The following XPO4 variants were observed in gnomAD, a reference collection of about 807,000 sequenced individuals.
The protein encoded by XPO4 is exportin-4.
XPO4 carries 39 observed loss-of-function variants against 143.0 expected under a neutral mutation model. That is an observed-to-expected ratio of 0.27 (90% CI 0.21 to 0.36). XPO4 has a LOEUF of 0.36. XPO4 is among the 10% of genes least tolerant of loss of function. The pLI, the probability that XPO4 is intolerant of heterozygous loss-of-function variation, is 1.00. For missense variants in XPO4, 907 were observed against 1,348.0 expected, an observed-to-expected ratio of 0.67 and a Z score of 5.12; for synonymous variants, 439 against 474.0, an observed-to-expected ratio of 0.93 and a Z score of 0.96.
At chr13:20,795,007 TAA>T (rs5802088) in intron 18 of XPO4, among the ~76,000 whole-genome samples, 9 of 134,486 alleles carry the variant, frequency 6.7e-5, no homozygotes, top group African/African-American at 8.3e-5. Context: ...CCCAAGAATT[TAA>T]AAAAAAAAAA....
chr13:20,851,832 C>T (rs2060093073), intron 4 of XPO4: 2 of 985,124 alleles, frequency 2.0e-6, no homozygotes, highest in Admixed American at 6.2e-5. Context: ...AGTGTACACA[C>T]TATGAAGAGA....
At chr13:20,863,061 C>T (rs1415047661) in intron 2 of XPO4, 6 of 1,264,806 alleles carry the variant, frequency 4.7e-6, no homozygotes, top group Non-Finnish European at 5.0e-6. Context: ...AGCTAATCAC[C>T]GATCACAATT....
chr13:20,789,781 C>T lies in XPO4; in HGVS notation c.2916+681G>A, dbSNP rs114783597. Among the ~76,000 whole-genome samples the T allele has an allele frequency of 3.3e-3, 504 of 152,158 alleles. 4 individuals carry two copies. The highest frequency in any genetic ancestry group is 0.012 in the African/African-American group (485 of 41,530). Reference sequence around the variant, plus strand: ...GTGTGTGCACACGCATGCATGCATGCACATGTGCACATACACACACAAACT... The same window carrying T: ...GTGTGTGCACACGCATGCATGCATGTACATGTGCACATACACACACAAACT... On this transcript the variant is annotated intron_variant, in intron 19 of 22. Coordinates refer to ENST00000255305, the MANE Select transcript of XPO4 (RefSeq NM_022459.5).
intron 1 of XPO4, among the ~76,000 whole-genome samples, chr13:20,893,630 C>A (rs1195935741): frequency 6.6e-6 from 1 of 151,974 alleles, no homozygotes; most frequent in Non-Finnish European, 1.5e-5. Context: ...GTGGCACGTG[C>A]CTGTAATCCC....
intron 1 of XPO4, among the ~76,000 whole-genome samples, chr13:20,892,525 C>T (rs2060527997): frequency 1.3e-5 from 2 of 152,186 alleles, no homozygotes; most frequent in Admixed American, 1.3e-4. Context: ...ACAAATATTA[C>T]TGAGCAACAA....
chr13:20,859,685 G>A (rs2060178546), intron 3 of XPO4: 3 of 182,392 alleles, frequency 1.6e-5, no homozygotes, highest in South Asian at 1.9e-4. Flanking sequence ...GCTGGGGCAG[G>A]AGAATCGCAT....
chr13:20,849,029 A>G, intron 4 of XPO4: 1 of 985,458 alleles, frequency 1.0e-6, no homozygotes, highest in Non-Finnish European at 1.2e-6. Context: ...AGCTAGTGAA[A>G]AAATGCCCTT....
chr13:20,831,615 T>C (rs551507476), intron 6 of XPO4, among the ~76,000 whole-genome samples: 1 of 152,282 alleles, frequency 6.6e-6, no homozygotes, highest in African/African-American at 2.4e-5. Flanking sequence ...GCAATTTATA[T>C]TTTTATCAGA....
intron 2 of XPO4, among the ~76,000 whole-genome samples, chr13:20,867,361 T>C (rs1276199922): frequency 6.6e-6 from 1 of 152,234 alleles, no homozygotes; most frequent in Non-Finnish European, 1.5e-5. Context: ...TAAAGCCGAT[T>C]ACATTTTTTA....
Position 20,848,160 on chromosome 13 carries a change from C to T in XPO4, c.457-4274G>A, listed in dbSNP as rs956351262. 1.5e-5 allele frequency: 13 copies of T among 857,524 alleles called. No individual in the cohort carries two copies. In the African/African-American group the frequency reaches 2.2e-4, roughly 14 times the overall value. 53.1% of individuals were successfully genotyped at this position (857,524 alleles called of 1,614,324 possible). ...CTGCTGGCAATTTGACTGCCACTAACAGGTAGTTCTAAATGGATCATTTTC... is the reference window on the plus strand; with the variant it reads ...CTGCTGGCAATTTGACTGCCACTAATAGGTAGTTCTAAATGGATCATTTTC... On this transcript the variant is annotated intron_variant, in intron 4 of 22. Transcript: ENST00000255305.
intron 4 of XPO4, among the ~76,000 whole-genome samples, chr13:20,853,804 C>A (rs1044625240): frequency 2.6e-5 from 4 of 152,148 alleles, no homozygotes; most frequent in African/African-American, 9.7e-5. Context: ...TCTTCAGTCA[C>A]CCTAGCCACA....
intron 4 of XPO4, chr13:20,849,363 G>A (rs1182979729): frequency 3.0e-6 from 3 of 985,252 alleles, no homozygotes; most frequent in Non-Finnish European, 3.6e-6. Context: ...GAGGAAGAAA[G>A]GAGACTTAAA....
At chr13:20,869,698 A>C (rs1199411165) in intron 1 of XPO4, 1 of 581,682 alleles carries the variant, frequency 1.7e-6, no homozygotes, top group Non-Finnish European at 2.2e-6. Context: ...AACTACTGTG[A>C]ATCTCTGGCT....
chr13:20,830,413 C>T (rs984190538), intron 6 of XPO4, among the ~76,000 whole-genome samples: 6 of 152,154 alleles, frequency 3.9e-5, no homozygotes, highest in African/African-American at 1.4e-4. Context: ...TGCAAAGAGG[C>T]TACACTTACC....
intron 1 of XPO4, chr13:20,902,215 T>G (rs181900978): frequency 1.0e-6 from 1 of 985,220 alleles, no homozygotes; most frequent in Admixed American, 6.2e-5. Flanking sequence ...AGGATGCGAA[T>G]GCACAGGAAA....
At chr13:20,866,013 T>A (rs1027092236) in intron 2 of XPO4, 61 of 982,176 alleles carry the variant, frequency 6.2e-5, no homozygotes, top group Non-Finnish European at 7.3e-5. Flanking sequence ...CATTTCTCCC[T>A]GAGAAAGAGT....
At chr13:20,898,896 C>G (rs1262711098) in intron 1 of XPO4, among the ~76,000 whole-genome samples, 3 of 152,290 alleles carry the variant, frequency 2.0e-5, no homozygotes, top group South Asian at 2.1e-4. Flanking sequence ...AGAAACTCAC[C>G]TGGGCACAGT....
At chr13:20,839,255 C>T (rs1057251513) in intron 6 of XPO4, among the ~76,000 whole-genome samples, 1 of 152,118 alleles carries the variant, frequency 6.6e-6, no homozygotes, top group Non-Finnish European at 1.5e-5. Flanking sequence ...CAGAGTGAAA[C>T]TCCGTCTCAA....
chr13:20,815,491 T>C (rs1215090270), intron 9 of XPO4, among the ~76,000 whole-genome samples: 3 of 152,216 alleles, frequency 2.0e-5, no homozygotes, highest in Non-Finnish European at 4.4e-5. Context: ...TCTATATTTA[T>C]ATTTATCTAT....
Sources: gnomAD v4.1 joint callset for allele counts (sites outside exome capture counted in the v4.1 genomes callset) on GRCh38, gnomAD v4.1.1 for gene constraint, MANE v1.5 for transcripts, NCBI Gene and HGNC (gene_info 2026-07-23, HGNC 2026-07-21) for gene names.